The following CFAP46 variants were observed in gnomAD, a reference collection of about 807,000 sequenced individuals.
The protein encoded by CFAP46 is cilia- and flagella-associated protein 46.
Under a neutral mutation model 325.7 loss-of-function variants are expected in CFAP46, and 245 were observed. That is an observed-to-expected ratio of 0.75 (90% CI 0.68 to 0.84). CFAP46 has a LOEUF of 0.84. Ranked by LOEUF, CFAP46 falls within the 40% of genes least tolerant of loss-of-function variation. The pLI is 0.00. For synonymous variants in CFAP46, 1,523 were observed against 1,495.9 expected, an observed-to-expected ratio of 1.02 and a Z score of -0.42; for missense variants, 3,346 against 3,543.0, an observed-to-expected ratio of 0.94 and a Z score of 1.41.
chr10:132,908,468 G>C lies in CFAP46; in HGVS notation c.2924C>G (p.Pro975Arg). 1 of 1,550,452 alleles carries C rather than the reference G, an allele frequency of 6.4e-7. No homozygotes were observed. Among genetic ancestry groups the C allele is most frequent in the South Asian group, 1.2e-5 (1 of 84,056 alleles). ...TTGTCCAGTCATGAGGGTTACTTAC[G>C]GCCCAAATTTCTTCAGGTACTTGAT... The part of the protein sequence containing the change: ...MGIKYLKKFG[P>R]EESRLVAEML... The change falls in exon 22 of 58, where the codon CCC becomes CGC. Residue 975 changes from proline to arginine, a missense_variant and splice_region_variant. Coordinates refer to ENST00000368586, the MANE Select transcript of CFAP46 (RefSeq NM_001200049.3).
At chr10:132,923,407 T>G (rs1591093633) in intron 11 of CFAP46, among the ~76,000 whole-genome samples, 1 of 110,716 alleles carries the variant, frequency 9.0e-6, no homozygotes, top group Admixed American at 9.5e-5. Flanking sequence ...GGGGGTGCCC[T>G]GGAACCCCTG....
At position 132,810,930 on chromosome 10, in the gene CFAP46, C is replaced by A. The variant is rs745340540; in HGVS notation, c.7583+20G>T. On this transcript the variant is annotated intron_variant, in intron 56 of 57. Coordinates refer to ENST00000368586, the MANE Select transcript of CFAP46 (RefSeq NM_001200049.3). ...TCCATCCTCAGCATCCCTGCCCACC[C>A]GTTCCAGGCAGCCAGGCACCTCCTG... 1.9e-6 allele frequency: 3 copies of A among 1,573,350 alleles called. No individual in the cohort carries two copies. Among genetic ancestry groups the A allele is most frequent in the East Asian group, 4.7e-5 (2 of 42,796 alleles).
intron 50 of CFAP46, among the ~76,000 whole-genome samples, chr10:132,825,470 G>A (rs1848030422): frequency 1.3e-5 from 2 of 152,166 alleles, no homozygotes; most frequent in Non-Finnish European, 2.9e-5. Flanking sequence ...TGCATGGCCT[G>A]ATCACGATAA....
In CFAP46 at chr10:132,827,267, G is replaced by A. The variant is rs371102269; in HGVS notation, c.7117+6091C>T. Among the ~76,000 whole-genome samples, 38 of 152,132 alleles carry A rather than the reference G, an allele frequency of 2.5e-4. No homozygotes were observed. Among genetic ancestry groups the A allele is most frequent in the African/African-American group, 8.7e-4 (36 of 41,444 alleles). On this transcript the variant is annotated intron_variant, in intron 50 of 57. Transcript: ENST00000368586. This position sits in a 1 kb window ranked among gnomAD's most constrained non-coding sequence, Gnocchi z 5.7. ...CCACAGTTCCGAGAAGGGGCTGACC[G>A]TGGCCTGTGATGGACGGGGCACCCA...
intron 11 of CFAP46, among the ~76,000 whole-genome samples, chr10:132,923,017 G>A (rs1849750760): frequency 6.6e-6 from 1 of 152,268 alleles, no homozygotes; most frequent in Non-Finnish European, 1.5e-5. Context: ...ACTTCCTGAA[G>A]TGTGGGGTGT....
At chr10:132,840,734 C>A (rs919921067) in intron 44 of CFAP46, among the ~76,000 whole-genome samples, 1 of 152,152 alleles carries the variant, frequency 6.6e-6, no homozygotes, top group Non-Finnish European at 1.5e-5. Flanking sequence ...TTTCAAGGTG[C>A]CCGTGTTTCT....
intron 25 of CFAP46, among the ~76,000 whole-genome samples, chr10:132,890,546 C>A (rs368543173): frequency 1.6e-4 from 25 of 152,256 alleles, no homozygotes; most frequent in African/African-American, 4.3e-4. Flanking sequence ...GAGTCCCCCC[C>A]AGAGGAGCGG....
intron 54 of CFAP46, 39 bp from the exon 55 acceptor site, chr10:132,812,936 C>G (rs1847611676): frequency 1.4e-5 from 22 of 1,522,742 alleles, no homozygotes; most frequent in Non-Finnish European, 1.9e-5. Flanking sequence ...AGTGCCCATG[C>G]ACCTGTACCA....
Position 132,892,391 on chromosome 10 carries a change from G to T in CFAP46, c.3246C>A (p.His1082Gln). 6 of 1,550,904 alleles carry T rather than the reference G, an allele frequency of 3.9e-6. No homozygotes were observed. The highest frequency in any genetic ancestry group is 5.2e-6 in the Non-Finnish European group (6 of 1,147,078). ...KQEKGKTLLL[H>Q]QWPTADFQGG... ...CCTGGAAGTCGGCCGTGGGCCACTGGTGCAGAAGCAGCGTCTTTCCTTTCT... is the reference window on the plus strand; with the variant it reads ...CCTGGAAGTCGGCCGTGGGCCACTGTTGCAGAAGCAGCGTCTTTCCTTTCT... The change falls in exon 25 of 58, where the codon CAC (histidine) becomes CAA (glutamine). Residue 1082 changes from histidine to glutamine, a missense_variant. Coordinates refer to ENST00000368586, the MANE Select transcript of CFAP46 (RefSeq NM_001200049.3).
At chr10:132,887,676 TCTC>T (rs1246757255) in intron 25 of CFAP46, among the ~76,000 whole-genome samples, 1 of 100,140 alleles carries the variant, frequency 1.0e-5, no homozygotes, top group Non-Finnish European at 2.1e-5. Flanking sequence ...CACCTCTCTC[TCTC>T]CTCTCCTCTC....
At chr10:132,858,181 C>A (rs1229520877) in intron 38 of CFAP46, among the ~76,000 whole-genome samples, 1 of 152,088 alleles carries the variant, frequency 6.6e-6, no homozygotes, top group African/African-American at 2.4e-5. Flanking sequence ...TACACGCCCG[C>A]ACTGGGCCCG....
chr10:132,912,258 T>C, intron 19 of CFAP46, among the ~76,000 whole-genome samples: 1 of 109,014 alleles, frequency 9.2e-6, no homozygotes. Flanking sequence ...CTCTCTCTCT[T>C]CCCTCTCCTC....
intron 31 of CFAP46, 22 bp from the exon 32 acceptor site, chr10:132,872,846 A>C: frequency 1.9e-6 from 3 of 1,550,454 alleles, no homozygotes; most frequent in Middle Eastern, 1.7e-4. Flanking sequence ...CATAACACAC[A>C]CAGGAGGTCA....
chr10:132,901,010 G>C (rs561249499), intron 22 of CFAP46, among the ~76,000 whole-genome samples: 178 of 152,326 alleles, frequency 1.2e-3, no homozygotes, highest in Non-Finnish European at 2.2e-3. Context: ...CTCGGATCGC[G>C]TGCCTGGGCC....
Position 132,886,002 on chromosome 10 carries a change from C to T in CFAP46, c.3305-43G>A, listed in dbSNP as rs1216308689. The T allele has an allele frequency of 6.5e-6, 10 of 1,541,718 alleles. No individual in the cohort carries two copies. The highest frequency in any genetic ancestry group is 2.5e-5 in the East Asian group (1 of 40,636). Reference sequence around the variant, plus strand: ...GGGTGTCCTTGGAGCCGCCTGATCCCTCATCAAAGGCGCCCTCGGACCTCC... The same window carrying T: ...GGGTGTCCTTGGAGCCGCCTGATCCTTCATCAAAGGCGCCCTCGGACCTCC... On this transcript the variant is annotated intron_variant, in intron 25 of 57. Transcript: ENST00000368586. This position sits in a 1 kb window ranked among gnomAD's most constrained non-coding sequence, Gnocchi z 5.8.
Position 132,877,112 on chromosome 10 carries a change from C to A in CFAP46, c.4213-151G>T, listed in dbSNP as rs370117950. Among the ~76,000 whole-genome samples the A allele has an allele frequency of 1.3e-5, 2 of 152,222 alleles. No individual in the cohort carries two copies. Among genetic ancestry groups the A allele is most frequent in the African/African-American group, 2.4e-5 (1 of 41,460 alleles). On this transcript the variant is annotated intron_variant, in intron 30 of 57. Transcript: ENST00000368586. This position sits in a 1 kb window ranked among gnomAD's most constrained non-coding sequence, Gnocchi z 5.7. ...ACCAGGTCCCAGCGAGTGCCCAGAT[C>A]CAGCCTCTGATACTGTTTCCAGGCA...
chr10:132,885,362 C>T lies in CFAP46; in HGVS notation c.3444-76G>A, dbSNP rs116653931. 3.3e-3 allele frequency: 4,493 copies of T among 1,364,466 alleles called. 104 individuals are homozygous for T. The African/African-American group carries it at 0.055, about 17-fold the overall frequency. 84.5% of individuals were successfully genotyped at this position (1,364,466 alleles called of 1,614,324 possible). A position where few individuals can be genotyped will look rare whatever the true frequency, so the allele number is the denominator to read the frequency against. ...TTAAACGTGGGTGATGCAGCCCGGACTTATTCCTCCACCTCCAGCTTAAAA... is the reference window on the plus strand; with the variant it reads ...TTAAACGTGGGTGATGCAGCCCGGATTTATTCCTCCACCTCCAGCTTAAAA... On this transcript the variant is annotated intron_variant, in intron 26 of 57. Coordinates refer to ENST00000368586, the MANE Select transcript of CFAP46 (RefSeq NM_001200049.3).
intron 44 of CFAP46, among the ~76,000 whole-genome samples, chr10:132,842,460 C>G (rs1591047078): frequency 1.3e-5 from 2 of 152,322 alleles, no homozygotes; most frequent in East Asian, 3.9e-4. Context: ...GTCTTCCAGG[C>G]AGGCCCTCAC....
chr10:132,835,795 C>A (rs1336787414), intron 46 of CFAP46, among the ~76,000 whole-genome samples: 2 of 151,922 alleles, frequency 1.3e-5, no homozygotes, highest in East Asian at 3.9e-4. Flanking sequence ...AGGAAAGGGC[C>A]CGTGTGCAGG....
Sources: gnomAD v4.1 joint callset for allele counts (sites outside exome capture counted in the v4.1 genomes callset) on GRCh38, gnomAD v4.1.1 for gene constraint, Gnocchi (gnomAD v3.1) non-coding constraint, MANE v1.5 for transcripts, NCBI Gene and HGNC (gene_info 2026-07-23, HGNC 2026-07-21) for gene names.